Variants in KIAA1217 observed in about 807,000 individuals in gnomAD.
KIAA1217 encodes the protein KIAA1217.
A neutral mutation model predicts 163.9 loss-of-function variants in KIAA1217; 88 were observed. The observed-to-expected ratio is 0.54, with a 90% CI of 0.45 to 0.64. The LOEUF is 0.64. Among genes scored for constraint, KIAA1217 ranks in the 30% least tolerant of loss-of-function variants. The pLI is 0.00. For missense variants in KIAA1217, 2,372 were observed against 2,475.0 expected, an observed-to-expected ratio of 0.96 and a Z score of 0.88; for synonymous variants, 903 against 923.1, an observed-to-expected ratio of 0.98 and a Z score of 0.39.
intron 1 of KIAA1217, among the ~76,000 whole-genome samples, chr10:23,824,431 C>T (rs1317813496): frequency 1.3e-5 from 2 of 150,450 alleles, no homozygotes; most frequent in Non-Finnish European, 3.0e-5. Flanking sequence ...AGTTTGAGAC[C>T]AGCCTGACCA....
intron 2 of KIAA1217, among the ~76,000 whole-genome samples, chr10:24,185,826 G>T (rs941209017): frequency 1.3e-5 from 2 of 151,842 alleles, no homozygotes; most frequent in Non-Finnish European, 2.9e-5. Context: ...TTAGCGGAAT[G>T]TGGTGGCAGG....
intron 1 of KIAA1217, among the ~76,000 whole-genome samples, chr10:23,894,427 T>C (rs1841578914): frequency 6.8e-6 from 1 of 147,364 alleles, no homozygotes; most frequent in Admixed American, 6.8e-5. Flanking sequence ...GGAATCCAAC[T>C]TACAAGGGAT....
rs7084238 is a variant in KIAA1217, at chr10:23,836,697, G to A, written c.-321+141463G>A. ...CCCAGCACTTTGGGAAGCCGAGGCGGGAGGATTGCTGGAACACAGGAGTTC... is the reference window on the plus strand; with the variant it reads ...CCCAGCACTTTGGGAAGCCGAGGCGAGAGGATTGCTGGAACACAGGAGTTC... On this transcript the variant is annotated intron_variant, in intron 1 of 18. Transcript: ENST00000376462. Among the ~76,000 whole-genome samples, 1,112 of 152,016 alleles carry A rather than the reference G, an allele frequency of 7.3e-3. 17 individuals are homozygous for A. Among genetic ancestry groups the A allele is most frequent in the African/African-American group, 0.026 (1,067 of 41,442 alleles).
intron 1 of KIAA1217, among the ~76,000 whole-genome samples, chr10:23,862,536 T>C (rs1840004435): frequency 6.6e-6 from 1 of 152,148 alleles, no homozygotes; most frequent in African/African-American, 2.4e-5. Flanking sequence ...AGGAGTTATA[T>C]TTTCAGATTA....
At chr10:23,778,359 C>T (rs1029577739) in intron 1 of KIAA1217, among the ~76,000 whole-genome samples, 12 of 152,178 alleles carry the variant, frequency 7.9e-5, no homozygotes, top group Middle Eastern at 3.2e-3. Flanking sequence ...GATTTAAGCA[C>T]ATAGAAAAAC....
chr10:24,235,736 C>T (rs1055425021), intron 2 of KIAA1217, among the ~76,000 whole-genome samples: 1 of 152,088 alleles, frequency 6.6e-6, no homozygotes, highest in African/African-American at 2.4e-5. Context: ...TGCTGCTGTG[C>T]TGATGTTTCT....
chr10:24,446,332 G>A (rs1362263704), intron 5 of KIAA1217, among the ~76,000 whole-genome samples: 1 of 151,344 alleles, frequency 6.6e-6, no homozygotes, highest in African/African-American at 2.4e-5. Flanking sequence ...TCTCTTTCAT[G>A]GTATCTTTTT....
At chr10:23,868,198 G>A (rs1027964517) in intron 1 of KIAA1217, among the ~76,000 whole-genome samples, 1 of 151,978 alleles carries the variant, frequency 6.6e-6, no homozygotes, top group African/African-American at 2.4e-5. Flanking sequence ...TCTTTGTGTT[G>A]CTTTTTACCC....
chr10:23,829,147 C>T (rs1838053089), intron 1 of KIAA1217, among the ~76,000 whole-genome samples: 1 of 152,186 alleles, frequency 6.6e-6, no homozygotes, highest in South Asian at 2.1e-4. Context: ...TATCACATTA[C>T]TTTGCTGCAA....
Position 24,060,366 on chromosome 10 carries a change from G to T in KIAA1217, c.-171+52992G>T, listed in dbSNP as rs534286414. On this transcript the variant is annotated intron_variant, in intron 2 of 18. Coordinates refer to the KIAA1217 transcript ENST00000376462. Reference sequence around the variant, plus strand: ...AAGATATTTTCTGATTTCCCTTCTGGTTTTTTCTTTTACTCACTGGTTGTT... The same window carrying T: ...AAGATATTTTCTGATTTCCCTTCTGTTTTTTTCTTTTACTCACTGGTTGTT... Among the ~76,000 whole-genome samples, 8 of 151,922 alleles carry T rather than the reference G, an allele frequency of 5.3e-5. No individual in the cohort carries two copies. In the East Asian group the frequency reaches 1.5e-3, roughly 29 times the overall value.
intron 2 of KIAA1217, among the ~76,000 whole-genome samples, chr10:24,360,039 A>C (rs1387122285): frequency 5.0e-5 from 3 of 59,726 alleles, no homozygotes; most frequent in Admixed American, 4.6e-4. Context: ...GGATATAATT[A>C]CTTTTTTTTT....
chr10:24,351,982 G>A (rs912414646), intron 2 of KIAA1217, among the ~76,000 whole-genome samples: 4 of 152,258 alleles, frequency 2.6e-5, no homozygotes, highest in African/African-American at 7.2e-5. Context: ...TACATATGCC[G>A]GTGTCTGTTA....
chr10:24,394,177 G>A (rs1329622846), intron 3 of KIAA1217, among the ~76,000 whole-genome samples: 1 of 152,180 alleles, frequency 6.6e-6, no homozygotes, highest in African/African-American at 2.4e-5. Context: ...TCAGCCCGTG[G>A]AAGTTGTTTG....
chr10:24,267,018 C>A (rs2076301339), intron 2 of KIAA1217, among the ~76,000 whole-genome samples: 1 of 152,160 alleles, frequency 6.6e-6, no homozygotes, highest in Admixed American at 6.5e-5. Context: ...TGCCACCTAC[C>A]CACATCTTCC....
intron 2 of KIAA1217, among the ~76,000 whole-genome samples, chr10:24,358,782 G>T (rs1465177585): frequency 1.3e-5 from 2 of 152,158 alleles, no homozygotes; most frequent in Non-Finnish European, 2.9e-5. Context: ...GCATTGCAAT[G>T]GCAAGGTCAT....
intron 1 of KIAA1217, among the ~76,000 whole-genome samples, chr10:23,727,097 C>G (rs1838200780): frequency 6.7e-6 from 1 of 148,496 alleles, no homozygotes; most frequent in Admixed American, 6.8e-5. Flanking sequence ...ACGCCATTCT[C>G]CTGCCTCAGC....
At chr10:24,200,447 C>A (rs1282507978) in intron 2 of KIAA1217, among the ~76,000 whole-genome samples, 1 of 152,132 alleles carries the variant, frequency 6.6e-6, no homozygotes, top group Admixed American at 6.5e-5. Flanking sequence ...GTCACCAAGC[C>A]ACCATGCCAC....
intron 14 of KIAA1217, among the ~76,000 whole-genome samples, chr10:24,530,184 A>C (rs937409060): frequency 6.6e-6 from 1 of 152,168 alleles, no homozygotes; most frequent in Non-Finnish European, 1.5e-5. Context: ...TAGGTCTCAT[A>C]ACTGTTCCTT....
chr10:24,117,722 G>C (rs757825293), intron 2 of KIAA1217, among the ~76,000 whole-genome samples: 1 of 152,138 alleles, frequency 6.6e-6, no homozygotes, highest in Non-Finnish European at 1.5e-5. Flanking sequence ...TCAATCTGTG[G>C]TCAGGGCTCT....
Sources: allele counts gnomAD v4.1 joint callset (sites outside exome capture counted in the v4.1 genomes callset), GRCh38; gene constraint gnomAD v4.1.1; transcripts MANE v1.5; gene names NCBI Gene and HGNC (gene_info 2026-07-23, HGNC 2026-07-21).